Variants in PRR14 observed in about 807,000 individuals in gnomAD.
PRR14 encodes the protein proline-rich protein 14.
A neutral mutation model predicts 57.2 loss-of-function variants in PRR14; 33 were observed. The ratio of observed to expected loss-of-function variants is 0.58; its 90% CI spans 0.44 to 0.77. The LOEUF (loss-of-function observed/expected upper bound fraction) is 0.77. PRR14 is among the 30% of genes least tolerant of loss of function. The pLI is 0.00. For synonymous variants in PRR14, 303 were observed against 314.7 expected (o/e 0.96, Z 0.39); for missense variants, 716 against 788.1 (o/e 0.91, Z 1.10).
Position 30,656,381 on chromosome 16 carries a change from A to C in PRR14, c.*70A>C. 1 of 1,418,906 alleles carries C rather than the reference A, an allele frequency of 7.0e-7. No individual in the cohort carries two copies. The highest frequency in any genetic ancestry group is 9.4e-7 in the Non-Finnish European group (1 of 1,058,880). 87.9% of individuals were successfully genotyped at this position (1,418,906 alleles called of 1,614,324 possible). On this transcript the variant is annotated 3_prime_UTR_variant, in exon 12 of 12. Transcript: ENST00000300835. Reference sequence around the variant, plus strand: ...CCCAGGCAGTTATTTTTTTTTCTCTATATTTCTAGTAAAGTTTTCGATATG... The same window carrying C: ...CCCAGGCAGTTATTTTTTTTTCTCTCTATTTCTAGTAAAGTTTTCGATATG...
chr16:30,654,617 T>C lies in PRR14; in HGVS notation c.659-12T>C. On this transcript the variant is annotated splice_polypyrimidine_tract_variant and intron_variant, in intron 7 of 11. Transcript: ENST00000300835. Reference sequence around the variant, plus strand: ...CAAGGAATATCCACCTGTGACCCTCTCCTTTCCTCAGCCCCAGATCCTGCT... The same window carrying C: ...CAAGGAATATCCACCTGTGACCCTCCCCTTTCCTCAGCCCCAGATCCTGCT... The C allele has an allele frequency of 6.3e-7, 1 of 1,581,510 alleles. No individual in the cohort carries two copies. The highest frequency in any genetic ancestry group is 8.6e-7 in the Non-Finnish European group (1 of 1,159,910).
At chr16:30,652,049 CTG>C (rs2052319057) in intron 3 of PRR14, 85 bp downstream of exon 3, 5 of 1,398,032 alleles carry the variant, frequency 3.6e-6, no homozygotes, top group Non-Finnish European at 3.9e-6. Context: ...CTGAGGATAA[CTG>C]AAGTCCAAAT....
chr16:30,651,953 G>T lies in PRR14; in HGVS notation c.181G>T (p.Ala61Ser). 1 of 1,536,834 alleles carries T rather than the reference G, an allele frequency of 6.5e-7. No individual in the cohort carries two copies. Among genetic ancestry groups the T allele is most frequent in the Non-Finnish European group, 8.7e-7 (1 of 1,145,016 alleles). Residue 61 changes from alanine to serine, a missense_variant, in exon 3 of 12, where the codon GCT (alanine) becomes TCT (serine). Physicochemically the swap from Ala to Ser is moderately conservative, Grantham distance 99 (BLOSUM62 1). Coordinates refer to ENST00000300835, the MANE Select transcript of PRR14 (RefSeq NM_024031.5). This position sits in a 1 kb window ranked among gnomAD's most constrained non-coding sequence, Gnocchi z 5.0. ...VLAVVLEDVM[A>S]VHMVPVVPSK... ...GGCCGTGGTGCTAGAAGATGTCATG[G>T]CTGTTCACATGGTGAGCCCCCTGAA...
At chr16:30,652,867 G>C in intron 4 of PRR14, 25 bp downstream of exon 4, 1 of 1,614,052 alleles carries the variant, frequency 6.2e-7, no homozygotes. Context: ...ATGGGGGTAA[G>C]CCGAGGGCCC....
Position 30,655,816 on chromosome 16 carries a change from T to A in PRR14, c.1407-52T>A, listed in dbSNP as rs372139836. Reference sequence around the variant, plus strand: ...TACAGACCAGGCCTTACCTGTCCCTTCAGGCCCCACTGGCCCAAGGTTTCT... The same window carrying A: ...TACAGACCAGGCCTTACCTGTCCCTACAGGCCCCACTGGCCCAAGGTTTCT... On this transcript the variant is annotated intron_variant, in intron 10 of 11. Coordinates refer to ENST00000300835, the MANE Select transcript of PRR14 (RefSeq NM_024031.5). The surrounding 1 kb of genome is among the most constrained non-coding windows in gnomAD (Gnocchi z 4.6). The A allele has an allele frequency of 1.3e-6, 2 of 1,588,650 alleles. No individual in the cohort carries two copies. The highest frequency in any genetic ancestry group is 1.7e-6 in the Non-Finnish European group (2 of 1,156,862).
At chr16:30,653,730 G>A (rs1318540763) in intron 6 of PRR14, among the ~76,000 whole-genome samples, 3 of 152,096 alleles carry the variant, frequency 2.0e-5, no homozygotes, top group East Asian at 1.9e-4. Flanking sequence ...GCAATGGTGC[G>A]ATCTCAGCTC....
In PRR14 at chr16:30,651,303, T is replaced by C. The variant is rs1455785192; in HGVS notation, c.-51+176T>C. On this transcript the variant is annotated intron_variant, in intron 1 of 11. Coordinates refer to ENST00000300835, the MANE Select transcript of PRR14 (RefSeq NM_024031.5). The surrounding 1 kb of genome is among the most constrained non-coding windows in gnomAD (Gnocchi z 5.0). The stretch of plus-strand genomic sequence containing the variant: ...GGATCCCCGTGGATCCCGGGGGATC[T>C]CGGGGCATAATCTGCAGGGACAAAG... The C allele has an allele frequency of 1.3e-5, 5 of 370,738 alleles. No individual in the cohort carries two copies. The highest frequency in any genetic ancestry group is 8.1e-4 in the Middle Eastern group (1 of 1,240). The allele number at this position is 370,738 out of a possible 1,614,324, so 23.0% of individuals were successfully genotyped here. A position where few individuals can be genotyped will look rare whatever the true frequency, so the allele number is the denominator to read the frequency against.
rs1477472567 is a variant in PRR14, at chr16:30,655,058, CTG to C, written c.1091_1092del (p.Val364GlyfsTer72). On this transcript the variant is annotated frameshift_variant, in exon 8 of 12. Transcript: ENST00000300835. LOFTEE classifies it high-confidence loss of function. This position sits in a 1 kb window ranked among gnomAD's most constrained non-coding sequence, Gnocchi z 4.6. ...AGCCGACCACGGCCGCGGCGGCACACTGTGGGTGGTGGGGAAATGGCCCGAGC... is the reference window on the plus strand; with the variant it reads ...AGCCGACCACGGCCGCGGCGGCACACTGGGTGGTGGGGAAATGGCCCGAGC... 6.2e-7 allele frequency: 1 copy of C among 1,611,464 alleles called. No homozygotes were observed. The highest frequency in any genetic ancestry group is 8.5e-7 in the Non-Finnish European group (1 of 1,179,964).
chr16:30,655,483 C>T lies in PRR14; in HGVS notation c.1315-19C>T. ...CCTGAGCCCATGTCACTCTTTCACC[C>T]TCTGCCCCATTTTTGCAGACCATGG... On this transcript the variant is annotated intron_variant, in intron 9 of 11. Coordinates refer to ENST00000300835, the MANE Select transcript of PRR14 (RefSeq NM_024031.5). This position sits in a 1 kb window ranked among gnomAD's most constrained non-coding sequence, Gnocchi z 4.6. 3 of 1,613,928 alleles carry T rather than the reference C, an allele frequency of 1.9e-6. No individual in the cohort carries two copies. Among genetic ancestry groups the T allele is most frequent in the East Asian group, 2.2e-5 (1 of 44,882 alleles).
chr16:30,653,919 C>T (rs2052338479), intron 6 of PRR14, among the ~76,000 whole-genome samples: 1 of 152,224 alleles, frequency 6.6e-6, no homozygotes, highest in African/African-American at 2.4e-5. Context: ...CCACCTCGGC[C>T]TCCCAAAGTG....
Position 30,651,711 on chromosome 16 carries a change from G to C in PRR14, c.23+43G>C. ...CGGCCCGCCTGTCTTGACCCCGGGA[G>C]ATGGGGATCCTGGCGACCGTGCCGG... On this transcript the variant is annotated intron_variant, in intron 2 of 11. Coordinates refer to ENST00000300835, the MANE Select transcript of PRR14 (RefSeq NM_024031.5). This position sits in a 1 kb window ranked among gnomAD's most constrained non-coding sequence, Gnocchi z 5.0. 6.2e-7 allele frequency: 1 copy of C among 1,612,308 alleles called. No individual in the cohort carries two copies. The highest frequency in any genetic ancestry group is 1.1e-5 in the South Asian group (1 of 91,084).
In PRR14 at chr16:30,655,444, G is replaced by A. The variant is rs1314794840; in HGVS notation, c.1314+24G>A. The A allele has an allele frequency of 3.7e-6, 6 of 1,613,926 alleles. No individual in the cohort carries two copies. The highest frequency in any genetic ancestry group is 2.7e-5 in the African/African-American group (2 of 74,936). ...AGGTAGGCATTCAGATCGGGTAGAAGAGACTAGTGGGGGCCTGAGCCCATG... is the reference window on the plus strand; with the variant it reads ...AGGTAGGCATTCAGATCGGGTAGAAAAGACTAGTGGGGGCCTGAGCCCATG... On this transcript the variant is annotated intron_variant, in intron 9 of 11. Transcript: ENST00000300835. The surrounding 1 kb of genome is among the most constrained non-coding windows in gnomAD (Gnocchi z 4.6).
At position 30,651,711 on chromosome 16, in the gene PRR14, G is replaced by T; in HGVS notation, c.23+43G>T. ...CGGCCCGCCTGTCTTGACCCCGGGA[G>T]ATGGGGATCCTGGCGACCGTGCCGG... On this transcript the variant is annotated intron_variant, in intron 2 of 11. Coordinates refer to ENST00000300835, the MANE Select transcript of PRR14 (RefSeq NM_024031.5). This position sits in a 1 kb window ranked among gnomAD's most constrained non-coding sequence, Gnocchi z 5.0. 1 of 1,612,308 alleles carries T rather than the reference G, an allele frequency of 6.2e-7. No homozygotes were observed.
rs1374943782 is a variant in PRR14, at chr16:30,654,673, A to C, written c.703A>C (p.Ser235Arg). 1.9e-6 allele frequency: 3 copies of C among 1,613,062 alleles called. No homozygotes were observed. The highest frequency in any genetic ancestry group is 2.5e-6 in the Non-Finnish European group (3 of 1,179,536). The stretch of plus-strand genomic sequence containing the variant: ...GCTCCCATCCACCCCACCACCGTCC[A>C]GCCTTTTACGCCCCCGCCTCAGTCC... Reference protein sequence around the residue: ...LELPSTPPPSSLLRPRLSPWG... With the variant: ...LELPSTPPPSRLLRPRLSPWG... Residue 235 changes from serine to arginine, a missense_variant, in exon 8 of 12, where the codon AGC becomes CGC. Physicochemically the swap from Ser to Arg is moderately radical, Grantham distance 110. Coordinates refer to ENST00000300835, the MANE Select transcript of PRR14 (RefSeq NM_024031.5).
rs578190131 is a variant in PRR14 at position 30,655,826 on chromosome 16, C to T, written c.1407-42C>T. The T allele has an allele frequency of 5.0e-6, 8 of 1,607,426 alleles. No individual in the cohort carries two copies. The East Asian group carries it at 1.1e-4, about 22-fold the overall frequency. ...GCCTTACCTGTCCCTTCAGGCCCCACTGGCCCAAGGTTTCTCAGTGGCCTC... is the reference window on the plus strand; with the variant it reads ...GCCTTACCTGTCCCTTCAGGCCCCATTGGCCCAAGGTTTCTCAGTGGCCTC... On this transcript the variant is annotated intron_variant, in intron 10 of 11. Coordinates refer to ENST00000300835, the MANE Select transcript of PRR14 (RefSeq NM_024031.5). The surrounding 1 kb of genome is among the most constrained non-coding windows in gnomAD (Gnocchi z 4.6).
intron 3 of PRR14, 195 bp from the exon 4 acceptor site, chr16:30,652,526 C>T: frequency 3.0e-6 from 2 of 661,768 alleles, no homozygotes; most frequent in Non-Finnish European, 5.2e-6. Context: ...TTACCCAGGT[C>T]CTACACCTGC....
In PRR14 at chr16:30,651,922, G is replaced by T. The variant is rs1270400110; in HGVS notation, c.150G>T (p.Arg50=). The T allele has an allele frequency of 1.3e-6, 2 of 1,575,846 alleles. No homozygotes were observed. The highest frequency in any genetic ancestry group is 2.7e-5 in the African/African-American group (2 of 73,348). The change falls in exon 3 of 12, where the codon CGG becomes CGT. Residue 50 remains arginine, a synonymous_variant. Coordinates refer to ENST00000300835, the MANE Select transcript of PRR14 (RefSeq NM_024031.5). The surrounding 1 kb of genome is among the most constrained non-coding windows in gnomAD (Gnocchi z 5.0). ...CTCCCCTGGAAAAGGCCTCTCGGCGGGTCCTGGCCGTGGTGCTAGAAGATG... is the reference window on the plus strand; with the variant it reads ...CTCCCCTGGAAAAGGCCTCTCGGCGTGTCCTGGCCGTGGTGCTAGAAGATG... The part of the protein sequence containing the change: ...APSPLEKASR[R]VLAVVLEDVM...
At position 30,655,832 on chromosome 16, in the gene PRR14, C is replaced by A. The variant is rs1329304246; in HGVS notation, c.1407-36C>A. On this transcript the variant is annotated intron_variant, in intron 10 of 11. Transcript: ENST00000300835. The surrounding 1 kb of genome is among the most constrained non-coding windows in gnomAD (Gnocchi z 4.6). The stretch of plus-strand genomic sequence containing the variant: ...CCTGTCCCTTCAGGCCCCACTGGCC[C>A]AAGGTTTCTCAGTGGCCTCTGCTCT... The A allele has an allele frequency of 6.2e-7, 1 of 1,611,404 alleles. No individual in the cohort carries two copies. Among genetic ancestry groups the A allele is most frequent in the Non-Finnish European group, 8.5e-7 (1 of 1,177,488 alleles).
At chr16:30,652,025 G>T in intron 3 of PRR14, 61 bp downstream of exon 3, 1 of 1,488,122 alleles carries the variant, frequency 6.7e-7, no homozygotes. Flanking sequence ...TACCAAACTC[G>T]GGCCAGATCC....
Sources: gnomAD v4.1 joint callset for allele counts (sites outside exome capture counted in the v4.1 genomes callset) on GRCh38, gnomAD v4.1.1 for gene constraint, Gnocchi (gnomAD v3.1) non-coding constraint, MANE v1.5 for transcripts, NCBI Gene and HGNC (gene_info 2026-07-23, HGNC 2026-07-21) for gene names.